The following AK9 variants were observed in gnomAD, a reference collection of about 807,000 sequenced individuals.
AK9 encodes the protein adenylate kinase 9.
Under a neutral mutation model 239.6 loss-of-function variants are expected in AK9, and 191 were observed. The observed-to-expected ratio is 0.80, with a 90% confidence interval of 0.71 to 0.90. The LOEUF is 0.90. Among genes scored for constraint, AK9 ranks in the 40% least tolerant of loss-of-function variants. The probability of loss-of-function intolerance (pLI) is 0.00; values close to 1 mark genes in which losing one functional copy is unlikely to be tolerated. For synonymous variants in AK9, 689 were observed against 721.0 expected (o/e 0.96, Z 0.71); for missense variants, 1,995 against 2,214.7 (o/e 0.90, Z 1.99).
intron 3 of AK9, among the ~76,000 whole-genome samples, chr6:109,673,781 A>G (rs561708935): frequency 6.6e-6 from 1 of 152,124 alleles, no homozygotes; most frequent in South Asian, 2.1e-4. Flanking sequence ...CATAAATGCT[A>G]TGAACAAAAC....
At position 109,612,067 on chromosome 6, in the gene AK9, T is replaced by C; in HGVS notation, c.1636A>G (p.Thr546Ala). 1.3e-6 allele frequency: 2 copies of C among 1,541,310 alleles called. No individual in the cohort carries two copies. The highest frequency in any genetic ancestry group is 1.8e-6 in the Non-Finnish European group (2 of 1,142,332). Residue 546 changes from threonine to alanine, a missense_variant, in exon 16 of 41, where the codon ACA becomes GCA. Around this residue, in one of 5 missense-constraint regions of AK9, gnomAD observed 1,290 missense variants for 1,392.7 expected, o/e 0.93. Coordinates refer to ENST00000424296, the MANE Select transcript of AK9 (RefSeq NM_001145128.3). ...GCATCTTGAGAATGCCTTTTAAATG[T>C]GAATGTTTCACCAGTTTCTTTTCCA... The part of the protein sequence containing the change: ...DDGKETGETF[T>A]FKRHSQDASQ...
intron 29 of AK9, chr6:109,528,199 T>C (rs1780757566): frequency 3.2e-6 from 1 of 309,030 alleles, no homozygotes. Flanking sequence ...AGGGGACCAC[T>C]AGGGACTCCC....
intron 12 of AK9, among the ~76,000 whole-genome samples, chr6:109,621,913 C>T (rs12206753): frequency 1.4e-5 from 1 of 70,278 alleles, no homozygotes; most frequent in Admixed American, 1.7e-4. Flanking sequence ...AAAAAAAAAA[C>T]AAAAAAAAAA....
chr6:109,500,421 A>G (rs1377009735), intron 35 of AK9, among the ~76,000 whole-genome samples: 3 of 152,178 alleles, frequency 2.0e-5, no homozygotes, highest in Non-Finnish European at 4.4e-5. Flanking sequence ...GCAATATAAG[A>G]TGTTATAGAA....
At chr6:109,660,070 T>C (rs1800226567) in intron 6 of AK9, among the ~76,000 whole-genome samples, 1 of 152,148 alleles carries the variant, frequency 6.6e-6, no homozygotes, top group African/African-American at 2.4e-5. Flanking sequence ...CAATCCAAAT[T>C]ACAATTAAAA....
chr6:109,543,510 C>T (rs575666123), intron 26 of AK9, among the ~76,000 whole-genome samples: 43 of 152,132 alleles, frequency 2.8e-4, no homozygotes, highest in African/African-American at 8.9e-4. Flanking sequence ...CACAGCAGTG[C>T]GATCTTGGCT....
intron 24 of AK9, among the ~76,000 whole-genome samples, chr6:109,556,356 A>G (rs1432039060): frequency 2.0e-5 from 3 of 152,200 alleles, no homozygotes; most frequent in South Asian, 2.1e-4. Context: ...TATGGTTTGT[A>G]AAGTTTCTGC....
intron 1 of AK9, among the ~76,000 whole-genome samples, chr6:109,683,058 G>A (rs768850914): frequency 7.9e-5 from 12 of 152,138 alleles, no homozygotes; most frequent in Non-Finnish European, 1.5e-4. Context: ...CCACAATCAA[G>A]TCAGCTTTAT....
intron 20 of AK9, 141 bp downstream of exon 20, chr6:109,579,409 T>G (rs748230656): frequency 2.0e-5 from 14 of 698,354 alleles, no homozygotes; most frequent in Non-Finnish European, 3.1e-5. Flanking sequence ...TATAAAGACT[T>G]CAAGAATATA....
chr6:109,681,638 T>C (rs919555288), intron 1 of AK9, among the ~76,000 whole-genome samples: 12 of 152,184 alleles, frequency 7.9e-5, no homozygotes, highest in African/African-American at 2.9e-4. Context: ...ATCAACAGAA[T>C]ATACATTCTT....
intron 17 of AK9, among the ~76,000 whole-genome samples, chr6:109,602,021 CT>C (rs1478159018): frequency 6.6e-6 from 1 of 152,128 alleles, no homozygotes; most frequent in Non-Finnish European, 1.5e-5. Context: ...GGTCTTGACT[CT>C]TTATCCAATT....
intron 27 of AK9, among the ~76,000 whole-genome samples, chr6:109,538,969 G>C (rs1170305739): frequency 6.6e-6 from 1 of 152,188 alleles, no homozygotes; most frequent in Non-Finnish European, 1.5e-5. Context: ...TCTGCCGAGA[G>C]ATCCGCTGTT....
At chr6:109,620,515 C>G (rs1231557707) in intron 12 of AK9, among the ~76,000 whole-genome samples, 1 of 151,950 alleles carries the variant, frequency 6.6e-6, no homozygotes, top group East Asian at 1.9e-4. Context: ...TATAACTTGT[C>G]AGGTAGATAA....
intron 35 of AK9, among the ~76,000 whole-genome samples, chr6:109,503,237 G>A (rs1406898): frequency 0.029 from 4,382 of 151,822 alleles, 99 homozygotes; most frequent in East Asian, 0.11. Context: ...TATACTACAT[G>A]GTGCTATAGT....
intron 8 of AK9, among the ~76,000 whole-genome samples, chr6:109,654,013 C>A (rs1440760872): frequency 6.6e-6 from 1 of 151,164 alleles, no homozygotes; most frequent in African/African-American, 2.4e-5. Flanking sequence ...AGACCCACCT[C>A]CATCCTTCCT....
Position 109,516,019 on chromosome 6 carries a change from A to G in AK9, c.3903T>C (p.Asn1301=). 6.4e-7 allele frequency: 1 copy of G among 1,551,302 alleles called. No homozygotes were observed. The highest frequency in any genetic ancestry group is 8.7e-7 in the Non-Finnish European group (1 of 1,146,678). Residue 1301 remains asparagine, a synonymous_variant, in exon 31 of 41, where the codon AAT becomes AAC. Coordinates refer to ENST00000424296, the MANE Select transcript of AK9 (RefSeq NM_001145128.3). ...TATTCAATGTATATTGTACAATGTG[A>G]TTTCTCCGAGCTCCATTAATGGAAA... ...PIISINGARR[N]HIVQYTLNMK...
intron 15 of AK9, among the ~76,000 whole-genome samples, chr6:109,612,778 A>C (rs1326281301): frequency 6.6e-6 from 1 of 152,094 alleles, no homozygotes; most frequent in East Asian, 1.9e-4. Flanking sequence ...AGGAGAAACT[A>C]AACAAAAAAT....
At chr6:109,598,888 G>T (rs1310995718) in intron 17 of AK9, among the ~76,000 whole-genome samples, 1 of 152,142 alleles carries the variant, frequency 6.6e-6, no homozygotes, top group East Asian at 1.9e-4. Flanking sequence ...AGAAGTGTCT[G>T]TTCATATCCT....
chr6:109,567,457 A>C (rs570811263), intron 21 of AK9, among the ~76,000 whole-genome samples: 115 of 152,228 alleles, frequency 7.6e-4, no homozygotes, highest in African/African-American at 2.7e-3. Context: ...CAACCAAAAA[A>C]AGTCTAGGAC....
Sources: gnomAD v4.1 joint callset for allele counts (sites outside exome capture counted in the v4.1 genomes callset) on GRCh38, gnomAD v4.1.1 for gene constraint, gnomAD v4.1.1 regional missense constraint, MANE v1.5 for transcripts, NCBI Gene and HGNC (gene_info 2026-07-23, HGNC 2026-07-21) for gene names.